CBFA2T2: variants seen among roughly 807,000 people sequenced by gnomAD.
CBFA2T2 encodes protein CBFA2T2.
In CBFA2T2, 11 loss-of-function variants were observed where a neutral mutation model predicts 62.2. The ratio of observed to expected loss-of-function variants is 0.18; its 90% CI spans 0.11 to 0.29. The LOEUF (loss-of-function observed/expected upper bound fraction) is 0.29, where lower values mean the gene tolerates loss of function less well. Ranked by LOEUF, CBFA2T2 falls within the 10% of genes least tolerant of loss-of-function variation. The pLI is 1.00. For synonymous variants in CBFA2T2, 295 were observed against 287.5 expected (o/e 1.03, Z -0.27); for missense variants, 592 against 774.1 (o/e 0.76, Z 2.79).
intron 3 of CBFA2T2, among the ~76,000 whole-genome samples, chr20:33,617,128 T>C (rs1169531073): frequency 6.6e-6 from 1 of 152,074 alleles, no homozygotes; most frequent in Non-Finnish European, 1.5e-5. Flanking sequence ...CCCACCACTT[T>C]GGGAGGCCAA....
chr20:33,494,736 T>C (rs1209127447), intron 1 of CBFA2T2, among the ~76,000 whole-genome samples: 1 of 151,880 alleles, frequency 6.6e-6, no homozygotes, highest in Non-Finnish European at 1.5e-5. Context: ...ATAGCTGGGA[T>C]TACAGGCATG....
rs555654038 is a variant in CBFA2T2 at position 33,529,315 on chromosome 20, G to A, written c.34+39014G>A. On this transcript the variant is annotated intron_variant, in intron 1 of 10. Transcript: ENST00000342704. The stretch of plus-strand genomic sequence containing the variant: ...GCTAGGATTACAGGCGTGAGCCACC[G>A]CGCCCAGTGCACCAGTTATTTTTAC... 3.9e-5 allele frequency among the ~76,000 whole-genome samples: 6 copies of A among 152,082 alleles called. No individual in the cohort carries two copies. The South Asian group carries it at 6.2e-4, about 16-fold the overall frequency.
intron 1 of CBFA2T2, among the ~76,000 whole-genome samples, chr20:33,592,610 A>G (rs916530016): frequency 6.6e-6 from 1 of 151,994 alleles, no homozygotes; most frequent in Non-Finnish European, 1.5e-5. Flanking sequence ...CTGTAGTCCC[A>G]GTTACTTGGG....
chr20:33,621,287 C>CTTTTTTCTTTTTTTTTTTTTTTTTTTTT (rs2015957508), intron 4 of CBFA2T2, among the ~76,000 whole-genome samples: 1 of 85,296 alleles, frequency 1.2e-5, no homozygotes. Flanking sequence ...ATTTTACTGC[C>CTTTTTTCTTTTTTTTTTTTTTTTTTTTT]TTTTTTTTTT....
chr20:33,591,477 A>C (rs1215123087), intron 1 of CBFA2T2, among the ~76,000 whole-genome samples: 1 of 134,166 alleles, frequency 7.5e-6, no homozygotes, highest in Non-Finnish European at 1.5e-5. Context: ...CAAAAAAAAA[A>C]AAAAAAAAGA....
rs773285489 is a variant in CBFA2T2 at position 33,517,450 on chromosome 20, G to GTTTTTTTTTTTTT, written c.34+27150_34+27151insTTTTTTTTTTTTT. Among the ~76,000 whole-genome samples the GTTTTTTTTTTTTT allele has an allele frequency of 1.5e-5, 2 of 129,126 alleles. 1 individual carries two copies. The allele number at this position is 129,126 out of a possible 152,430, so 84.7% of individuals were successfully genotyped here. A position where few individuals can be genotyped will look rare whatever the true frequency, so the allele number is the denominator to read the frequency against. Reference sequence around the variant, plus strand: ...AGGACTGGTTTTTTTGGTTTTTTTGGTGTTTTTTTTTTTTTTTGAGACAGA... The same window carrying GTTTTTTTTTTTTT: ...AGGACTGGTTTTTTTGGTTTTTTTGGTTTTTTTTTTTTTTGTTTTTTTTTTTTTTTGAGACAGA... On this transcript the variant is annotated intron_variant, in intron 1 of 10. Transcript: ENST00000342704.
intron 1 of CBFA2T2, among the ~76,000 whole-genome samples, chr20:33,563,147 C>T (rs2013152295): frequency 6.6e-6 from 1 of 152,324 alleles, no homozygotes; most frequent in African/African-American, 2.4e-5. Context: ...AAACTAACAG[C>T]ATCTCTTCGT....
In CBFA2T2 at chr20:33,624,807, C is replaced by G. The variant is rs1434019047; in HGVS notation, c.736C>G (p.Pro246Ala). ...SFDRDTIAPE[P>A]PAKRVCTISP... ...TGATAGAGACACAATTGCTCCTGAG[C>G]CTCCTGCCAAGAGAGTATGTACCAT... Residue 246 changes from proline (P) to alanine (A), a missense_variant, in exon 6 of 11, where the codon CCT becomes GCT. Physicochemically the swap from Pro to Ala is conservative, Grantham distance 27. Coordinates refer to ENST00000342704, the MANE Select transcript of CBFA2T2 (RefSeq NM_001032999.3). The G allele has an allele frequency of 6.2e-7, 1 of 1,614,050 alleles. No homozygotes were observed.
chr20:33,558,824 G>T (rs575622547), intron 1 of CBFA2T2, among the ~76,000 whole-genome samples: 208 of 136,730 alleles, frequency 1.5e-3, no homozygotes, highest in African/African-American at 6.3e-3. Flanking sequence ...CCAACTGTTT[G>T]GGGGGGCGGC....
chr20:33,555,661 A>G (rs2012877016), intron 1 of CBFA2T2, among the ~76,000 whole-genome samples: 1 of 152,250 alleles, frequency 6.6e-6, no homozygotes, highest in African/African-American at 2.4e-5. Flanking sequence ...ATAACCACAC[A>G]TAACCACAGT....
intron 1 of CBFA2T2, among the ~76,000 whole-genome samples, chr20:33,537,234 C>G (rs1171216770): frequency 6.6e-6 from 1 of 152,248 alleles, no homozygotes; most frequent in Non-Finnish European, 1.5e-5. Flanking sequence ...TCTGCAATCC[C>G]GGCACCTCGC....
chr20:33,515,396 G>A (rs1047672481), intron 1 of CBFA2T2, among the ~76,000 whole-genome samples: 2 of 151,560 alleles, frequency 1.3e-5, no homozygotes, highest in Non-Finnish European at 2.9e-5. Flanking sequence ...ACCAGCCTGG[G>A]TGACGGAAAA....
At chr20:33,504,694 C>T (rs529903849) in intron 1 of CBFA2T2, among the ~76,000 whole-genome samples, 14 of 152,212 alleles carry the variant, frequency 9.2e-5, no homozygotes, top group East Asian at 5.8e-4. Flanking sequence ...TGAGCCACCA[C>T]GCCCGGCCTA....
At chr20:33,639,107 C>G (rs1205033791) in intron 9 of CBFA2T2, 1 of 152,408 alleles carries the variant, frequency 6.6e-6, no homozygotes, top group Non-Finnish European at 1.5e-5. Flanking sequence ...CCTCCACTTC[C>G]AGGCCCTTCG....
chr20:33,573,545 G>C (rs1192783856), intron 1 of CBFA2T2, among the ~76,000 whole-genome samples: 1 of 151,438 alleles, frequency 6.6e-6, no homozygotes, highest in East Asian at 1.9e-4. Flanking sequence ...GCAGTGGCGT[G>C]ATCTTAGCTC....
chr20:33,555,105 T>C (rs948247118), intron 1 of CBFA2T2, among the ~76,000 whole-genome samples: 13 of 152,182 alleles, frequency 8.5e-5, no homozygotes, highest in Non-Finnish European at 1.5e-4. Context: ...CTTGATTGGC[T>C]GTAGCTAGGC....
chr20:33,557,239 T>G (rs545875345), intron 1 of CBFA2T2, among the ~76,000 whole-genome samples: 45 of 152,142 alleles, frequency 3.0e-4, no homozygotes, highest in African/African-American at 8.2e-4. Context: ...GGTCTCGAAC[T>G]GCTGACCTTG....
intron 3 of CBFA2T2, among the ~76,000 whole-genome samples, chr20:33,613,659 A>T (rs1015525412): frequency 6.6e-6 from 1 of 152,210 alleles, no homozygotes. Context: ...CGTGTTTAGC[A>T]TGAACCATAC....
intron 8 of CBFA2T2, among the ~76,000 whole-genome samples, chr20:33,634,599 A>T (rs1226141515): frequency 7.1e-6 from 1 of 141,488 alleles, no homozygotes; most frequent in Non-Finnish European, 1.5e-5. Flanking sequence ...TGAGCCCAGG[A>T]GGCAGAACTT....
Sources: allele counts gnomAD v4.1 joint callset (sites outside exome capture counted in the v4.1 genomes callset), GRCh38; gene constraint gnomAD v4.1.1; transcripts MANE v1.5; gene names NCBI Gene and HGNC (gene_info 2026-07-23, HGNC 2026-07-21).